Variants in PYY observed in about 807,000 individuals in gnomAD.
PYY encodes the protein peptide YY, also known as peptide tyrosine tyrosine.
Under a neutral mutation model 10.3 loss-of-function variants are expected in PYY, and 12 were observed. The observed-to-expected ratio is 1.17, with a 90% CI of 0.75 to 1.89. PYY has a LOEUF of 1.89. PYY is among the 40% of genes most tolerant of loss of function. The pLI, the probability that PYY is intolerant of heterozygous loss-of-function variation, is 0.00. For synonymous variants in PYY, 66 were observed against 62.0 expected (o/e 1.06, Z -0.30); for missense variants, 141 against 134.0 (o/e 1.05, Z -0.26).
chr17:43,996,659 C>CTGGGTTTTTTTGTTTTTGT (rs1348128542), intron 1 of PYY, among the ~76,000 whole-genome samples: 1 of 151,740 alleles, frequency 6.6e-6, no homozygotes, highest in African/African-American at 2.4e-5. Context: ...TTACTTTATG[C>CTGGGTTTTTTTGTTTTTGT]TGGGTTTTTT....
chr17:43,963,566 AAGGAAAAGAAAG>A (rs1247416335), intron 2 of PYY, among the ~76,000 whole-genome samples: 21 of 119,358 alleles, frequency 1.8e-4, no homozygotes, highest in African/African-American at 6.3e-4. Flanking sequence ...GGAAGGAAGG[AAGGAAAAGAAAG>A]AAAGAAAGAA....
At position 43,989,223 on chromosome 17, in the gene PYY, A is replaced by G. The variant is rs1451275950; in HGVS notation, c.-463+15168T>C. ...CCCCGTCTCTGCTAAAAATACAAAAAATTAGCCGGGCGTGGTGGCGGGCGC... is the reference window on the plus strand; with the variant it reads ...CCCCGTCTCTGCTAAAAATACAAAAGATTAGCCGGGCGTGGTGGCGGGCGC... On this transcript the variant is annotated intron_variant, in intron 1 of 6. Coordinates refer to the PYY transcript ENST00000360085. Among the ~76,000 whole-genome samples, 13 of 151,928 alleles carry G rather than the reference A, an allele frequency of 8.6e-5. 1 individual carries two copies.
At position 43,953,155 on chromosome 17, in the gene PYY, A is replaced by G; in HGVS notation, c.223T>C (p.Ser75Pro). The change falls in exon 3 of 4, where the codon TCC (serine) becomes CCC (proline). Residue 75 changes from serine to proline, a missense_variant. Physicochemically the swap from Ser to Pro is moderately conservative, Grantham distance 74. Coordinates refer to ENST00000692052, the MANE Select transcript of PYY (RefSeq NM_001394028.1). The stretch of plus-strand genomic sequence containing the variant: ...TCGCCGTCGGGGAAGAACGTTTTGG[A>G]AAGAAGCGTGTCCGGGCCGTCTCTT... ...GKRDGPDTLL[S>P]KTFFPDGEDR... 6.2e-7 allele frequency: 1 copy of G among 1,613,854 alleles called. No homozygotes were observed. The highest frequency in any genetic ancestry group is 8.5e-7 in the Non-Finnish European group (1 of 1,179,846).
chr17:43,978,732 T>G (rs1424967672), intron 1 of PYY, among the ~76,000 whole-genome samples: 1 of 152,190 alleles, frequency 6.6e-6, no homozygotes, highest in Non-Finnish European at 1.5e-5. Flanking sequence ...CATCCATTTT[T>G]AAAATGTAAT....
intron 1 of PYY, among the ~76,000 whole-genome samples, chr17:43,998,907 TA>T (rs2049007356): frequency 1.3e-5 from 2 of 151,954 alleles, no homozygotes; most frequent in Admixed American, 1.3e-4. Flanking sequence ...AGGGGTCGAG[TA>T]GGTAGTTAGA....
chr17:43,965,926 C>G (rs1332688255), intron 2 of PYY, among the ~76,000 whole-genome samples: 1 of 151,760 alleles, frequency 6.6e-6, no homozygotes, highest in South Asian at 2.1e-4. Context: ...TTGGTGCTCC[C>G]CAAGATGAGA....
At chr17:43,973,786 C>T (rs2160862) in intron 1 of PYY, among the ~76,000 whole-genome samples, 25,563 of 152,210 alleles carry the variant, frequency 0.17, 3,196 homozygotes, top group East Asian at 0.69. Flanking sequence ...CAAAGCACGA[C>T]TCCGTCTCAA....
Position 43,959,343 on chromosome 17 carries a change from G to A in PYY, c.-217-1315C>T, listed in dbSNP as rs555821422. ...TCCAATATAGTTTGAATGTTTAAAG[G>A]GTATTTCTATTTAATGGCTTAAATA... is the stretch of plus-strand genomic sequence containing the variant. On this transcript the variant is annotated intron_variant, in intron 2 of 6. Transcript: ENST00000360085. 1.5e-4 allele frequency among the ~76,000 whole-genome samples: 23 copies of A among 152,206 alleles called. No individual in the cohort carries two copies. The South Asian group carries it at 3.3e-3, about 22-fold the overall frequency.
At chr17:43,978,278 A>AAG (rs1567933058) in intron 1 of PYY, among the ~76,000 whole-genome samples, 2 of 150,244 alleles carry the variant, frequency 1.3e-5, no homozygotes, top group African/African-American at 5.0e-5. Flanking sequence ...AGAGAGAGAG[A>AAG]GAAGGAAGGA....
At chr17:43,967,661 A>C (rs2048763550) in intron 1 of PYY, among the ~76,000 whole-genome samples, 1 of 152,212 alleles carries the variant, frequency 6.6e-6, no homozygotes, top group Non-Finnish European at 1.5e-5. Flanking sequence ...AGATGGAGTA[A>C]GCAGCCTCCA....
At chr17:43,998,825 TG>T (rs938721037) in intron 1 of PYY, among the ~76,000 whole-genome samples, 63 of 152,204 alleles carry the variant, frequency 4.1e-4, no homozygotes, top group African/African-American at 1.4e-3. Context: ...GGCCACAGCA[TG>T]GGGGAATGGC....
chr17:43,976,641 G>A (rs575765241), intron 1 of PYY, among the ~76,000 whole-genome samples: 104 of 151,944 alleles, frequency 6.8e-4, no homozygotes, highest in East Asian at 1.5e-3. Context: ...GCGTGGTGGC[G>A]CATGCCTGTA....
At chr17:43,956,281 A>T (rs564202230), upstream of PYY, among the ~76,000 whole-genome samples, 582 of 151,482 alleles carry the variant, frequency 3.8e-3, 5 homozygotes, top group African/African-American at 0.013. Flanking sequence ...TATCCCTCAT[A>T]CCCCCACCCT....
intron 2 of PYY, among the ~76,000 whole-genome samples, chr17:43,965,822 G>C (rs755582668): frequency 8.4e-6 from 1 of 119,068 alleles, no homozygotes; most frequent in Admixed American, 8.6e-5. Context: ...AAAAAAGAGA[G>C]AGAAACAAGT....
chr17:43,963,628 G>GAAAGAAAGAA (rs2048734257), intron 2 of PYY, among the ~76,000 whole-genome samples: 1 of 126,100 alleles, frequency 7.9e-6, no homozygotes, highest in African/African-American at 2.9e-5. Context: ...GAAAGAAAGA[G>GAAAGAAAGAA]AAAGAAAGAA....
At chr17:43,980,042 A>G (rs567764356) in intron 1 of PYY, among the ~76,000 whole-genome samples, 23 of 152,194 alleles carry the variant, frequency 1.5e-4, no homozygotes, top group Middle Eastern at 3.4e-3. Flanking sequence ...AAGTCCTCCC[A>G]GTGTCCCCTA....
chr17:43,980,556 C>A (rs2048877826), intron 1 of PYY, among the ~76,000 whole-genome samples: 2 of 151,982 alleles, frequency 1.3e-5, no homozygotes, highest in African/African-American at 2.4e-5. Context: ...CTCACTGCAA[C>A]CTCTGCCTCC....
At chr17:44,001,115 C>T (rs2049023638) in intron 1 of PYY, among the ~76,000 whole-genome samples, 1 of 152,162 alleles carries the variant, frequency 6.6e-6, no homozygotes, top group Non-Finnish European at 1.5e-5. Context: ...CCCTCAGGAG[C>T]TGTGATGTGG....
intron 1 of PYY, among the ~76,000 whole-genome samples, chr17:43,992,003 C>T (rs2048960075): frequency 6.6e-6 from 1 of 151,326 alleles, no homozygotes; most frequent in Non-Finnish European, 1.5e-5. Context: ...GCGCCTGTAG[C>T]CCAGCTACTC....
Sources: gnomAD v4.1 joint callset for allele counts (sites outside exome capture counted in the v4.1 genomes callset) on GRCh38, gnomAD v4.1.1 for gene constraint, MANE v1.5 for transcripts, NCBI Gene and HGNC (gene_info 2026-07-23, HGNC 2026-07-21) for gene names.